CRTAC1: variants seen among roughly 807,000 people sequenced by gnomAD.
CRTAC1 encodes acidic secreted protein in cartilage.
A neutral mutation model predicts 67.8 loss-of-function variants in CRTAC1; 37 were observed. The observed-to-expected ratio is 0.55, with a 90% CI of 0.42 to 0.72. The LOEUF is 0.72. Ranked by LOEUF, CRTAC1 falls within the 30% of genes least tolerant of loss-of-function variation. The probability of loss-of-function intolerance (pLI) is 0.00; values close to 1 mark genes in which losing one functional copy is unlikely to be tolerated. For missense variants in CRTAC1, 780 were observed against 931.6 expected, an observed-to-expected ratio of 0.84 and a Z score of 2.12; for synonymous variants, 348 against 371.0, an observed-to-expected ratio of 0.94 and a Z score of 0.71.
Position 97,884,220 on chromosome 10 carries a change from G to T in CRTAC1, c.1618C>A (p.Pro540Thr). The T allele has an allele frequency of 6.4e-7, 1 of 1,569,446 alleles. No individual in the cohort carries two copies. The highest frequency in any genetic ancestry group is 1.2e-5 in the South Asian group (1 of 85,490). ...YPRDEDTLQD[P>T]APLECGQGFS... The stretch of plus-strand genomic sequence containing the variant: ...CCTTTGCCCACCTCCAGTGGGGCTG[G>T]GTCCTGAAGTGTGTCCTCATCCCGG... Residue 540 changes from proline to threonine, a missense_variant, in exon 12 of 15, where the codon CCA (proline) becomes ACA (threonine). Coordinates refer to ENST00000370597, the MANE Select transcript of CRTAC1 (RefSeq NM_018058.7).
At chr10:97,878,929 A>T (rs187234536) in intron 14 of CRTAC1, among the ~76,000 whole-genome samples, 39 of 152,276 alleles carry the variant, frequency 2.6e-4, no homozygotes, top group African/African-American at 8.7e-4. Context: ...GGTCCCCCAA[A>T]TGTGAACATT....
At chr10:97,868,891 T>C (rs1447917536) in intron 14 of CRTAC1, 1 of 151,424 alleles carries the variant, frequency 6.6e-6, no homozygotes, top group Non-Finnish European at 1.5e-5. Flanking sequence ...TAGCACTTCC[T>C]ATGTGCCAGG....
chr10:97,917,729 C>G, intron 4 of CRTAC1, 73 bp from the exon 5 acceptor site: 1 of 1,238,592 alleles, frequency 8.1e-7, no homozygotes, highest in Non-Finnish European at 1.1e-6. Flanking sequence ...CTCCCCACCC[C>G]AGGTAGGACC....
In CRTAC1 at chr10:98,020,752, G is replaced by C. The variant is rs187487660; in HGVS notation, c.25-9415C>G. Among the ~76,000 whole-genome samples, 7 of 152,370 alleles carry C rather than the reference G, an allele frequency of 4.6e-5. No homozygotes were observed. The East Asian group carries it at 1.3e-3, about 29-fold the overall frequency. The stretch of plus-strand genomic sequence containing the variant: ...TTGTGTAGTGCAGTGAGGCTCTGCA[G>C]TGCAGACTCGGGGCAGGGGCAGGAC... On this transcript the variant is annotated intron_variant, in intron 1 of 14. Transcript: ENST00000370597.
chr10:97,938,003 C>T lies in CRTAC1; in HGVS notation c.225-1637G>A, dbSNP rs192698031. Among the ~76,000 whole-genome samples the T allele has an allele frequency of 4.1e-3, 626 of 152,318 alleles. 3 individuals are homozygous for T. The highest frequency in any genetic ancestry group is 0.014 in the African/African-American group (565 of 41,566). On this transcript the variant is annotated intron_variant, in intron 2 of 14. Transcript: ENST00000370597. ...TTCCTGAAACAAATCCAGTCTGGCCCGCTGCATCATCCCAAGATGCAGAAG... is the reference window on the plus strand; with the variant it reads ...TTCCTGAAACAAATCCAGTCTGGCCTGCTGCATCATCCCAAGATGCAGAAG...
At chr10:97,947,074 TC>T (rs1231542389) in intron 2 of CRTAC1, among the ~76,000 whole-genome samples, 14 of 152,356 alleles carry the variant, frequency 9.2e-5, no homozygotes, top group Non-Finnish European at 1.9e-4. Flanking sequence ...TTGGTCTTTA[TC>T]TCTCTTTCAG....
Position 98,030,050 on chromosome 10 carries a change from C to T in CRTAC1, c.24+399G>A, listed in dbSNP as rs1236205532. ...TTCCCAGGCCCGGGTCTCAGCCTGG[C>T]TGACTGGGAGACTCTCCCGATAGCC... On this transcript the variant is annotated intron_variant, in intron 1 of 14. Transcript: ENST00000370597. The surrounding 1 kb of genome is among the most constrained non-coding windows in gnomAD (Gnocchi z 4.2). Among the ~76,000 whole-genome samples the T allele has an allele frequency of 6.6e-6, 1 of 152,110 alleles. No individual in the cohort carries two copies. Among genetic ancestry groups the T allele is most frequent in the Non-Finnish European group, 1.5e-5 (1 of 67,990 alleles).
intron 14 of CRTAC1, among the ~76,000 whole-genome samples, chr10:97,876,427 A>G (rs2136533281): frequency 6.6e-6 from 1 of 152,208 alleles, no homozygotes; most frequent in East Asian, 1.9e-4. Flanking sequence ...TGTGCCTGTG[A>G]AGAGGGAGTA....
At chr10:97,881,966 C>A (rs540854780) in intron 13 of CRTAC1, among the ~76,000 whole-genome samples, 2 of 152,324 alleles carry the variant, frequency 1.3e-5, no homozygotes, top group East Asian at 1.9e-4. Context: ...CCCCTGCCCT[C>A]CCCCATCTGG....
chr10:97,929,688 T>C (rs914308453), intron 3 of CRTAC1, among the ~76,000 whole-genome samples: 1 of 152,158 alleles, frequency 6.6e-6, no homozygotes, highest in Non-Finnish European at 1.5e-5. Flanking sequence ...CGTCAGGTTG[T>C]TGTGAGGGTT....
intron 5 of CRTAC1, among the ~76,000 whole-genome samples, chr10:97,914,780 C>T (rs1590204973): frequency 6.6e-6 from 1 of 152,320 alleles, no homozygotes; most frequent in African/African-American, 2.4e-5. Context: ...GGCACTGTCC[C>T]GGCTTCAAGA....
intron 2 of CRTAC1, among the ~76,000 whole-genome samples, chr10:97,965,433 T>C (rs2051599064): frequency 6.6e-6 from 1 of 152,144 alleles, no homozygotes; most frequent in Admixed American, 6.5e-5. Context: ...CCTTTTTCAT[T>C]TCCACCCATG....
intron 2 of CRTAC1, among the ~76,000 whole-genome samples, chr10:97,949,868 G>C (rs2136630350): frequency 6.6e-6 from 1 of 152,362 alleles, no homozygotes; most frequent in East Asian, 1.9e-4. Context: ...TATCTATAAA[G>C]CAGTGAATAC....
intron 8 of CRTAC1, among the ~76,000 whole-genome samples, chr10:97,898,322 G>A (rs1590192204): frequency 6.6e-6 from 1 of 152,214 alleles, no homozygotes; most frequent in Non-Finnish European, 1.5e-5. Context: ...GGGTCATGGG[G>A]AGTCCAGAGT....
chr10:97,993,557 T>C (rs1165404443), intron 2 of CRTAC1, among the ~76,000 whole-genome samples: 1 of 152,226 alleles, frequency 6.6e-6, no homozygotes, highest in African/African-American at 2.4e-5. Flanking sequence ...CACACAACTA[T>C]GCACACGGTA....
chr10:97,882,348 G>A (rs966544871), intron 13 of CRTAC1, among the ~76,000 whole-genome samples: 12 of 152,198 alleles, frequency 7.9e-5, no homozygotes, highest in Non-Finnish European at 5.9e-5. Context: ...GCACCAGGCT[G>A]CAGTCTCCGT....
chr10:97,950,215 T>A (rs967425108), intron 2 of CRTAC1, among the ~76,000 whole-genome samples: 3 of 149,240 alleles, frequency 2.0e-5, no homozygotes, highest in Admixed American at 6.7e-5. Context: ...GACACAGCTG[T>A]TGGTTTTGCA....
intron 1 of CRTAC1, among the ~76,000 whole-genome samples, chr10:98,025,109 G>T (rs1023112440): frequency 6.6e-6 from 1 of 152,030 alleles, no homozygotes; most frequent in South Asian, 2.1e-4. Flanking sequence ...TCTCCTCTCT[G>T]GATCTCAGTG....
intron 1 of CRTAC1, among the ~76,000 whole-genome samples, chr10:98,026,998 T>A (rs1843246468): frequency 6.6e-6 from 1 of 152,044 alleles, no homozygotes; most frequent in Non-Finnish European, 1.5e-5. Context: ...AAACCCCGTC[T>A]CTACTAAAAA....
Sources: allele counts gnomAD v4.1 joint callset (sites outside exome capture counted in the v4.1 genomes callset), GRCh38; gene constraint gnomAD v4.1.1; non-coding constraint Gnocchi (gnomAD v3.1); transcripts MANE v1.5; gene names NCBI Gene and HGNC (gene_info 2026-07-23, HGNC 2026-07-21).